The following NXPH1 variants were observed in gnomAD, a reference collection of about 807,000 sequenced individuals.
NXPH1 encodes neurexophilin-1.
A neutral mutation model predicts 23.7 loss-of-function variants in NXPH1; 5 were observed. The observed-to-expected ratio is 0.21, with a 90% CI of 0.11 to 0.44. The LOEUF is 0.44. Among genes scored for constraint, NXPH1 ranks in the 20% least tolerant of loss-of-function variants. The pLI is 0.99. For synonymous variants in NXPH1, 144 were observed against 122.2 expected (o/e 1.18, Z -1.18); for missense variants, 324 against 321.6 (o/e 1.01, Z -0.06).
intron 2 of NXPH1, among the ~76,000 whole-genome samples, chr7:8,737,298 C>T (rs1027469630): frequency 4.6e-5 from 7 of 152,126 alleles, no homozygotes; most frequent in African/African-American, 1.7e-4. Context: ...TTAGTGCTTC[C>T]TTCAGGAGCT....
chr7:8,461,428 C>T (rs987922053), intron 2 of NXPH1, among the ~76,000 whole-genome samples: 2 of 152,124 alleles, frequency 1.3e-5, no homozygotes, highest in Admixed American at 6.5e-5. Flanking sequence ...ACAGAGGAAG[C>T]CTTTGTAGAG....
At chr7:8,513,480 A>T (rs149764943) in intron 2 of NXPH1, among the ~76,000 whole-genome samples, 2 of 152,128 alleles carry the variant, frequency 1.3e-5, no homozygotes, top group African/African-American at 4.8e-5. Context: ...GTTGATTACA[A>T]TGTATACCAG....
Position 8,435,467 on chromosome 7 carries a change from G to A in NXPH1, c.-110-137G>A. 1 of 564,464 alleles carries A rather than the reference G, an allele frequency of 1.8e-6. No individual in the cohort carries two copies. The highest frequency in any genetic ancestry group is 3.2e-6 in the Non-Finnish European group (1 of 316,810). The allele number at this position is 564,464 out of a possible 1,614,324, so 35.0% of individuals were successfully genotyped here. ...CTGGTCTCAGGCGCTGGATTTACTCGCTTTTCAATTTTTCGTACCCTCCCT... is the reference window on the plus strand; with the variant it reads ...CTGGTCTCAGGCGCTGGATTTACTCACTTTTCAATTTTTCGTACCCTCCCT... On this transcript the variant is annotated intron_variant, in intron 1 of 2. Coordinates refer to ENST00000405863, the MANE Select transcript of NXPH1 (RefSeq NM_152745.3). This position sits in a 1 kb window ranked among gnomAD's most constrained non-coding sequence, Gnocchi z 5.9.
intron 2 of NXPH1, among the ~76,000 whole-genome samples, chr7:8,746,567 C>A (rs1780473261): frequency 6.6e-6 from 1 of 152,180 alleles, no homozygotes; most frequent in Admixed American, 6.5e-5. Flanking sequence ...GCAGCACTTT[C>A]AAAAATATAT....
At chr7:8,641,822 T>TA (rs1251299789) in intron 2 of NXPH1, among the ~76,000 whole-genome samples, 1 of 152,204 alleles carries the variant, frequency 6.6e-6, no homozygotes, top group Non-Finnish European at 1.5e-5. Context: ...TTTTTGTCCT[T>TA]ATTTGAGTTA....
chr7:8,689,624 T>G (rs726307), intron 2 of NXPH1, among the ~76,000 whole-genome samples: 45,697 of 152,060 alleles, frequency 0.3, 7,150 homozygotes, highest in East Asian at 0.44. Context: ...TGGTAGGGCA[T>G]GAGAACAGGG....
intron 2 of NXPH1, among the ~76,000 whole-genome samples, chr7:8,571,878 T>A (rs1818656449): frequency 1.6e-5 from 2 of 122,568 alleles, no homozygotes; most frequent in South Asian, 4.7e-4. Flanking sequence ...TTGGTGGACT[T>A]GTTAAAAAAA....
chr7:8,635,107 C>T (rs1057042657), intron 2 of NXPH1, among the ~76,000 whole-genome samples: 7 of 152,198 alleles, frequency 4.6e-5, no homozygotes, highest in Admixed American at 1.3e-4. Context: ...GTTGTCAACC[C>T]GTAGGCCATT....
At chr7:8,467,565 A>T (rs1743014422) in intron 2 of NXPH1, among the ~76,000 whole-genome samples, 2 of 152,188 alleles carry the variant, frequency 1.3e-5, no homozygotes, top group Admixed American at 6.5e-5. Context: ...TAGTAGATAT[A>T]TAAGTTAAGT....
intron 2 of NXPH1, among the ~76,000 whole-genome samples, chr7:8,647,736 T>A (rs1395313782): frequency 6.6e-6 from 1 of 151,888 alleles, no homozygotes; most frequent in African/African-American, 2.4e-5. Flanking sequence ...TTTTATCTTG[T>A]GTGAAGGTTT....
At chr7:8,438,454 G>A (rs1314771861) in intron 2 of NXPH1, among the ~76,000 whole-genome samples, 2 of 152,164 alleles carry the variant, frequency 1.3e-5, no homozygotes, top group East Asian at 3.8e-4. Flanking sequence ...AGAATTTGAT[G>A]GATAATTTTT....
intron 2 of NXPH1, among the ~76,000 whole-genome samples, chr7:8,601,980 A>G (rs1002757828): frequency 2.0e-5 from 3 of 152,196 alleles, no homozygotes; most frequent in Admixed American, 2.0e-4. Context: ...ATGACTTTCA[A>G]TTTTCTTTTG....
intron 2 of NXPH1, among the ~76,000 whole-genome samples, chr7:8,595,552 G>C (rs1259094324): frequency 5.3e-5 from 8 of 151,944 alleles, no homozygotes; most frequent in Non-Finnish European, 8.8e-5. Flanking sequence ...TTAGTCATTG[G>C]ATACATAATA....
At chr7:8,625,366 C>G (rs1460981719) in intron 2 of NXPH1, among the ~76,000 whole-genome samples, 2 of 152,076 alleles carry the variant, frequency 1.3e-5, no homozygotes, top group African/African-American at 4.8e-5. Context: ...GGAAGATCAA[C>G]TCAAATTCTG....
chr7:8,668,815 C>T (rs1820821444), intron 2 of NXPH1, among the ~76,000 whole-genome samples: 1 of 152,170 alleles, frequency 6.6e-6, no homozygotes, highest in African/African-American at 2.4e-5. Context: ...TGGCCTGGAG[C>T]CTGGGTCTGC....
chr7:8,546,596 A>T (rs374719788), intron 2 of NXPH1, among the ~76,000 whole-genome samples: 2 of 151,438 alleles, frequency 1.3e-5, no homozygotes, highest in East Asian at 3.9e-4. Flanking sequence ...ATTTGTTCTG[A>T]TACTCATTAA....
chr7:8,602,676 T>C (rs529204542), intron 2 of NXPH1, among the ~76,000 whole-genome samples: 11 of 152,316 alleles, frequency 7.2e-5, no homozygotes, highest in Admixed American at 5.2e-4. Context: ...AAGGAGAGGA[T>C]TGTCATTCTC....
chr7:8,573,647 TC>T, intron 2 of NXPH1, among the ~76,000 whole-genome samples: 1 of 152,152 alleles, frequency 6.6e-6, no homozygotes, highest in East Asian at 1.9e-4. Flanking sequence ...CAATGAGCTT[TC>T]TTTTTGCAGG....
chr7:8,539,046 A>G (rs1818070867), intron 2 of NXPH1, among the ~76,000 whole-genome samples: 1 of 151,906 alleles, frequency 6.6e-6, no homozygotes, highest in African/African-American at 2.4e-5. Context: ...TCATCATTGG[A>G]CATCATTTGG....
Sources: allele counts gnomAD v4.1 joint callset (sites outside exome capture counted in the v4.1 genomes callset), GRCh38; gene constraint gnomAD v4.1.1; non-coding constraint Gnocchi (gnomAD v3.1); transcripts MANE v1.5; gene names NCBI Gene and HGNC (gene_info 2026-07-23, HGNC 2026-07-21).